Variants in KLF12 observed in about 807,000 individuals in gnomAD.
KLF12 encodes Krueppel-like factor 12.
A neutral mutation model predicts 37.8 loss-of-function variants in KLF12; 9 were observed. The observed-to-expected ratio is 0.24, with a 90% CI of 0.14 to 0.42. The LOEUF (loss-of-function observed/expected upper bound fraction) is 0.42. KLF12 is among the 10% of genes least tolerant of loss of function. KLF12 has a pLI of 1.00. For synonymous variants in KLF12, 208 were observed against 202.1 expected (o/e 1.03, Z -0.25); for missense variants, 411 against 516.0 (o/e 0.80, Z 1.97).
chr13:74,272,127 T>G, the KLF12 span, among the ~76,000 whole-genome samples: 38 of 152,366 alleles, frequency 2.5e-4, no homozygotes, highest in African/African-American at 8.7e-4. Flanking sequence ...ACTGGCACAT[T>G]GTTTTCTTTA....
At chr13:73,848,869 T>G (rs1367176508) in intron 3 of KLF12, among the ~76,000 whole-genome samples, 1 of 152,104 alleles carries the variant, frequency 6.6e-6, no homozygotes, top group Non-Finnish European at 1.5e-5. Flanking sequence ...CTGGTCCTTT[T>G]TCATATGTGG....
At chr13:74,158,513 A>G in the KLF12 span, among the ~76,000 whole-genome samples, 2 of 152,156 alleles carry the variant, frequency 1.3e-5, no homozygotes, top group African/African-American at 4.8e-5. Flanking sequence ...GAACTTCTGA[A>G]CTTGGATTAG....
the KLF12 span, among the ~76,000 whole-genome samples, chr13:74,182,001 AG>A: frequency 6.6e-6 from 1 of 152,226 alleles, no homozygotes; most frequent in African/African-American, 2.4e-5. Context: ...CTTTTCAGTT[AG>A]AGATACATAG....
chr13:74,254,614 C>T, the KLF12 span, among the ~76,000 whole-genome samples: 6 of 152,164 alleles, frequency 3.9e-5, no homozygotes, highest in African/African-American at 1.4e-4. Flanking sequence ...CCATTGCCTG[C>T]TGAATCTAGA....
chr13:74,176,766 G>T, the KLF12 span, among the ~76,000 whole-genome samples: 1 of 151,952 alleles, frequency 6.6e-6, no homozygotes, highest in South Asian at 2.1e-4. Flanking sequence ...TATTTATACC[G>T]TCAACTTTCT....
chr13:73,936,046 C>T (rs1889910142), intron 3 of KLF12, among the ~76,000 whole-genome samples: 1 of 152,196 alleles, frequency 6.6e-6, no homozygotes, highest in African/African-American at 2.4e-5. Context: ...ATATAAGATA[C>T]AAAATAGATG....
At chr13:74,083,914 T>C (rs1875091161) in intron 1 of KLF12, among the ~76,000 whole-genome samples, 1 of 152,210 alleles carries the variant, frequency 6.6e-6, no homozygotes, top group Non-Finnish European at 1.5e-5. Flanking sequence ...GCATATGAAC[T>C]AGGCAGAAGT....
At chr13:74,080,090 CATT>C (rs1874790725) in intron 1 of KLF12, among the ~76,000 whole-genome samples, 1 of 152,130 alleles carries the variant, frequency 6.6e-6, no homozygotes, top group Admixed American at 6.6e-5. Context: ...ACCTTGAAGA[CATT>C]ATGCTAAGTG....
At chr13:73,832,668 T>C (rs760138995) in intron 4 of KLF12, among the ~76,000 whole-genome samples, 1 of 152,234 alleles carries the variant, frequency 6.6e-6, no homozygotes, top group African/African-American at 2.4e-5. Context: ...CTTTGTTTTA[T>C]GGATGCAACA....
chr13:74,116,569 C>T (rs1042180333), intron 1 of KLF12, among the ~76,000 whole-genome samples: 3 of 152,126 alleles, frequency 2.0e-5, no homozygotes, highest in Admixed American at 1.3e-4. Context: ...AAGTTGATTC[C>T]CATGGCTATG....
intron 6 of KLF12, among the ~76,000 whole-genome samples, chr13:73,758,028 G>A (rs1879288658): frequency 6.6e-6 from 1 of 151,770 alleles, no homozygotes. Context: ...CCTTCTTCAT[G>A]TTTCATTATG....
At chr13:74,147,323 A>T in the KLF12 span, among the ~76,000 whole-genome samples, 2 of 152,158 alleles carry the variant, frequency 1.3e-5, no homozygotes, top group African/African-American at 4.8e-5. Flanking sequence ...TGTTCTGTAG[A>T]ATGCTAATAG....
intron 7 of KLF12, among the ~76,000 whole-genome samples, chr13:73,702,730 G>A (rs933177915): frequency 2.0e-5 from 3 of 152,118 alleles, no homozygotes; most frequent in African/African-American, 2.4e-5. Flanking sequence ...AAGGCTCAAC[G>A]TATTTGCTGT....
At chr13:74,164,432 A>G in the KLF12 span, among the ~76,000 whole-genome samples, 2 of 152,180 alleles carry the variant, frequency 1.3e-5, no homozygotes, top group African/African-American at 4.8e-5. Flanking sequence ...CCCAGTAGAA[A>G]GTGTTAACAC....
At chr13:74,015,932 T>C (rs1426178553) in intron 1 of KLF12, among the ~76,000 whole-genome samples, 1 of 152,176 alleles carries the variant, frequency 6.6e-6, no homozygotes, top group African/African-American at 2.4e-5. Context: ...ACTATCCTTT[T>C]ATCATGGTAA....
upstream of KLF12, among the ~76,000 whole-genome samples, chr13:74,134,195 G>T (rs1878437670): frequency 6.6e-6 from 1 of 151,344 alleles, no homozygotes; most frequent in South Asian, 2.1e-4. Context: ...GAGGGGGGGG[G>T]CCGAAAACAA....
the KLF12 span, among the ~76,000 whole-genome samples, chr13:74,253,446 G>A: frequency 1.3e-5 from 2 of 152,196 alleles, no homozygotes; most frequent in African/African-American, 2.4e-5. Flanking sequence ...AAGTGGTTGT[G>A]AGGGGTAAAT....
intron 7 of KLF12, among the ~76,000 whole-genome samples, chr13:73,700,269 AAAAT>A (rs921171678): frequency 4.6e-5 from 7 of 151,602 alleles, no homozygotes; most frequent in Admixed American, 6.6e-5. Context: ...TCTGTCTCAA[AAAAT>A]AAATAAATAA....
rs140170347 is a variant in KLF12, at chr13:74,095,540, C to T, written c.-32+38199G>A. Among the ~76,000 whole-genome samples the T allele has an allele frequency of 7.0e-3, 1,061 of 151,714 alleles. 6 individuals are homozygous for T. Among genetic ancestry groups the T allele is most frequent in the Non-Finnish European group, 0.012 (843 of 67,898 alleles). ...AATAGCTGGGACTACAGGCATGCAC[C>T]ACCATGCCCAGCTTATTTTGTGTGT... On this transcript the variant is annotated intron_variant, in intron 1 of 7. Transcript: ENST00000377669.
Sources: gnomAD v4.1 joint callset for allele counts (sites outside exome capture counted in the v4.1 genomes callset) on GRCh38, gnomAD v4.1.1 for gene constraint, MANE v1.5 for transcripts, NCBI Gene and HGNC (gene_info 2026-07-23, HGNC 2026-07-21) for gene names.